Variants in TSPAN15 observed in about 807,000 individuals in gnomAD.
TSPAN15 encodes the protein tetraspanin 15, also known as tetraspanin-15.
TSPAN15 carries 20 observed loss-of-function variants against 34.5 expected under a neutral mutation model. The observed-to-expected ratio is 0.58, with a 90% CI of 0.41 to 0.84. The LOEUF is 0.84. TSPAN15 is among the 40% of genes least tolerant of loss of function. The probability of loss-of-function intolerance (pLI) is 0.00; values close to 1 mark genes in which losing one functional copy is unlikely to be tolerated. For synonymous variants in TSPAN15, 155 were observed against 153.9 expected (o/e 1.01, Z -0.05); for missense variants, 313 against 386.1 (o/e 0.81, Z 1.59).
chr10:69,461,928 C>T (rs35608114), intron 1 of TSPAN15, among the ~76,000 whole-genome samples: 15 of 144,224 alleles, frequency 1.0e-4, no homozygotes, highest in Non-Finnish European at 2.1e-4. Flanking sequence ...CGCCACCACC[C>T]CCCCCATCAC....
At chr10:69,463,132 AC>A (rs1841306559) in intron 1 of TSPAN15, among the ~76,000 whole-genome samples, 1 of 152,352 alleles carries the variant, frequency 6.6e-6, no homozygotes, top group African/African-American at 2.4e-5. Context: ...CTATGCAGTT[AC>A]CTTTGTAAAT....
Position 69,485,213 on chromosome 10 carries a change from C to A in TSPAN15, c.355C>A (p.Gln119Lys). ...CGTGGTGGCCTTGACCTTCCGGAAC[C>A]AGGTGGGCCTGTGGATTTGTGTATC... ...GGVVALTFRN[Q>K]TIDFLNDNIR... The change falls in exon 3 of 8, where the codon CAG becomes AAG. Residue 119 changes from glutamine (Q) to lysine (K), a missense_variant and splice_region_variant. Transcript: ENST00000373290. 6.2e-7 allele frequency: 1 copy of A among 1,614,078 alleles called. No homozygotes were observed. The highest frequency in any genetic ancestry group is 8.5e-7 in the Non-Finnish European group (1 of 1,179,974).
At chr10:69,464,332 G>A (rs1841335170) in intron 1 of TSPAN15, among the ~76,000 whole-genome samples, 1 of 152,084 alleles carries the variant, frequency 6.6e-6, no homozygotes, top group Non-Finnish European at 1.5e-5. Context: ...AGGGCCCTGA[G>A]AACCACCTTC....
chr10:69,539,515 A>G, the TSPAN15 span, among the ~76,000 whole-genome samples: 408 of 84,236 alleles, frequency 4.8e-3, 4 homozygotes, highest in East Asian at 9.0e-3. Flanking sequence ...GAAGAAGAAG[A>G]AGAAGAAGAA....
At position 69,507,561 on chromosome 10, in the gene TSPAN15, G is replaced by T; in HGVS notation, c.*583G>T. ...ATTCATTTTTTTGTACAGATAACAG[G>T]AGTTTCTGACTAATCAAAGCTGGTA... is the stretch of plus-strand genomic sequence containing the variant. On this transcript the variant is annotated 3_prime_UTR_variant, in exon 8 of 8. Transcript: ENST00000373290. The T allele has an allele frequency of 7.7e-7, 1 of 1,304,016 alleles. No individual in the cohort carries two copies. Among genetic ancestry groups the T allele is most frequent in the East Asian group, 5.6e-5 (1 of 18,008 alleles). 80.8% of individuals were successfully genotyped at this position (1,304,016 alleles called of 1,614,324 possible).
the TSPAN15 span, among the ~76,000 whole-genome samples, chr10:69,526,786 CAAAAAAAAAAAAA>C: frequency 3.3e-5 from 2 of 60,982 alleles, no homozygotes; most frequent in Non-Finnish European, 5.9e-5. Flanking sequence ...GACCCTGTCT[CAAAAAAAAAAAAA>C]AAAAAAAAAA....
intron 1 of TSPAN15, among the ~76,000 whole-genome samples, chr10:69,469,045 A>ACTGTTCAGCCCCTCCTGT (rs1841449857): frequency 9.3e-6 from 1 of 107,166 alleles, no homozygotes; most frequent in Admixed American, 9.8e-5. Context: ...AAATAATTAG[A>ACTGTTCAGCCCCTCCTGT]GGGCTGGACA....
chr10:69,498,261 T>C lies in TSPAN15; in HGVS notation c.454-19T>C, dbSNP rs748610904. The stretch of plus-strand genomic sequence containing the variant: ...CTGGGCGATGACGGCAGCTCCTCTT[T>C]CCTGCTTGCTTCCCTCAGTTCAAGT... On this transcript the variant is annotated intron_variant, in intron 4 of 7. Transcript: ENST00000373290. The C allele has an allele frequency of 5.0e-6, 8 of 1,611,676 alleles. No homozygotes were observed. Among genetic ancestry groups the C allele is most frequent in the Non-Finnish European group, 6.8e-6 (8 of 1,177,960 alleles).
At chr10:69,483,601 C>T (rs1035616142) in intron 1 of TSPAN15, 90 bp from the exon 2 acceptor site, 1 of 1,409,132 alleles carries the variant, frequency 7.1e-7, no homozygotes, top group Non-Finnish European at 9.6e-7. Context: ...AAGCCTCCCC[C>T]ACAGCAGGTA....
At chr10:69,524,226 T>G in the TSPAN15 span, among the ~76,000 whole-genome samples, 1 of 147,288 alleles carries the variant, frequency 6.8e-6, no homozygotes, top group African/African-American at 2.5e-5. Context: ...CCCAACACTT[T>G]GGGAGGCCGA....
In TSPAN15 at chr10:69,487,494, C is replaced by T. The variant is rs1051719472; in HGVS notation, c.357+2279C>T. Among the ~76,000 whole-genome samples the T allele has an allele frequency of 5.3e-5, 8 of 152,126 alleles. No homozygotes were observed. The South Asian group carries it at 6.2e-4, about 12-fold the overall frequency. ...ATCTTTATTCCATTTGCCCATGGGGCTGCCTCTCTGTGCAGCCAGCAGAGC... is the reference window on the plus strand; with the variant it reads ...ATCTTTATTCCATTTGCCCATGGGGTTGCCTCTCTGTGCAGCCAGCAGAGC... On this transcript the variant is annotated intron_variant, in intron 3 of 7. Coordinates refer to ENST00000373290, the MANE Select transcript of TSPAN15 (RefSeq NM_012339.5).
the TSPAN15 span, among the ~76,000 whole-genome samples, chr10:69,539,324 C>T: frequency 0.026 from 3,868 of 146,200 alleles, 157 homozygotes; most frequent in African/African-American, 0.093. Flanking sequence ...CATGGCTACA[C>T]CAAAATCTCA....
intron 1 of TSPAN15, among the ~76,000 whole-genome samples, chr10:69,456,902 G>A (rs942319396): frequency 1.6e-4 from 24 of 152,180 alleles, no homozygotes; most frequent in African/African-American, 5.8e-4. Flanking sequence ...CTGCAAAAGG[G>A]TGTGTTTGAG....
At chr10:69,500,745 C>T (rs1382862927) in intron 5 of TSPAN15, among the ~76,000 whole-genome samples, 1 of 152,166 alleles carries the variant, frequency 6.6e-6, no homozygotes, top group Non-Finnish European at 1.5e-5. Flanking sequence ...AAACATTAGC[C>T]TCATGCAGAA....
At chr10:69,542,406 A>G in the TSPAN15 span, among the ~76,000 whole-genome samples, 1 of 152,220 alleles carries the variant, frequency 6.6e-6, no homozygotes, top group Non-Finnish European at 1.5e-5. Context: ...ACCTAGTTCC[A>G]AAGTTACGTC....
chr10:69,474,679 G>A (rs1841578282), intron 1 of TSPAN15, among the ~76,000 whole-genome samples: 1 of 152,024 alleles, frequency 6.6e-6, no homozygotes, highest in African/African-American at 2.4e-5. Context: ...CCCCTGAGCG[G>A]TTACCCTGGG....
At chr10:69,545,965 A>T in the TSPAN15 span, among the ~76,000 whole-genome samples, 29 of 152,162 alleles carry the variant, frequency 1.9e-4, no homozygotes, top group Non-Finnish European at 1.6e-4. Flanking sequence ...CAAAAATAAA[A>T]CAAAACAAAA....
rs1842325785 is a variant in TSPAN15, at chr10:69,506,259, C to T, written c.735+19C>T. 6.2e-7 allele frequency: 1 copy of T among 1,609,028 alleles called. No individual in the cohort carries two copies. The highest frequency in any genetic ancestry group is 8.5e-7 in the Non-Finnish European group (1 of 1,175,634). On this transcript the variant is annotated intron_variant, in intron 7 of 7. Coordinates refer to ENST00000373290, the MANE Select transcript of TSPAN15 (RefSeq NM_012339.5). The surrounding 1 kb of genome is among the most constrained non-coding windows in gnomAD (Gnocchi z 4.7). ...TCCCCAGGTGGGCAGGCCGTGGGTTCAGAGAAAGTGTGACTTGGTGATTGC... is the reference window on the plus strand; with the variant it reads ...TCCCCAGGTGGGCAGGCCGTGGGTTTAGAGAAAGTGTGACTTGGTGATTGC...
At chr10:69,498,112 C>A (rs950457151) in intron 4 of TSPAN15, among the ~76,000 whole-genome samples, 168 bp from the exon 5 acceptor site, 1 of 152,168 alleles carries the variant, frequency 6.6e-6, no homozygotes, top group Non-Finnish European at 1.5e-5. Context: ...ACCCTCTAGG[C>A]AGCCATGCCA....
Sources: allele counts gnomAD v4.1 joint callset (sites outside exome capture counted in the v4.1 genomes callset), GRCh38; gene constraint gnomAD v4.1.1; non-coding constraint Gnocchi (gnomAD v3.1); transcripts MANE v1.5; gene names NCBI Gene and HGNC (gene_info 2026-07-23, HGNC 2026-07-21).